UNC13B: variants seen among roughly 807,000 people sequenced by gnomAD.
The protein encoded by UNC13B is protein unc-13 homolog B.
Under a neutral mutation model 211.0 loss-of-function variants are expected in UNC13B, and 144 were observed. The observed-to-expected ratio is 0.68, with a 90% CI of 0.60 to 0.78. The LOEUF is 0.78. Ranked by LOEUF, UNC13B falls within the 30% of genes least tolerant of loss-of-function variation. The pLI, the probability that UNC13B is intolerant of heterozygous loss-of-function variation, is 0.00. For missense variants in UNC13B, 1,777 were observed against 2,002.0 expected, an observed-to-expected ratio of 0.89 and a Z score of 2.14; for synonymous variants, 709 against 725.8, an observed-to-expected ratio of 0.98 and a Z score of 0.37.
chr9:35,204,018 G>T (rs1685822569), intron 1 of UNC13B, among the ~76,000 whole-genome samples: 4 of 152,234 alleles, frequency 2.6e-5, no homozygotes, highest in African/African-American at 9.6e-5. Flanking sequence ...TAGGCCCAGG[G>T]CCTTGCTGCA....
chr9:35,207,996 T>C (rs538777039), intron 1 of UNC13B, among the ~76,000 whole-genome samples: 13 of 152,342 alleles, frequency 8.5e-5, no homozygotes, highest in African/African-American at 3.1e-4. Context: ...TTTTTGTATG[T>C]CATGTGAGGT....
intron 17 of UNC13B, among the ~76,000 whole-genome samples, chr9:35,379,665 A>G (rs1834685932): frequency 6.6e-6 from 1 of 152,188 alleles, no homozygotes; most frequent in Non-Finnish European, 1.5e-5. Flanking sequence ...ACAAGACACT[A>G]TACATAATAC....
At chr9:35,316,506 T>A (rs1013158317) in intron 11 of UNC13B, among the ~76,000 whole-genome samples, 2 of 151,754 alleles carry the variant, frequency 1.3e-5, no homozygotes, top group Admixed American at 6.6e-5. Context: ...TGTATATAGA[T>A]GTGCGTGTGT....
chr9:35,268,927 A>G (rs1008302233), intron 7 of UNC13B, among the ~76,000 whole-genome samples: 1 of 152,072 alleles, frequency 6.6e-6, no homozygotes, highest in Admixed American at 6.6e-5. Context: ...CAAAATGATG[A>G]TTTTCTAATT....
At position 35,364,381 on chromosome 9, in the gene UNC13B, G is replaced by A. The variant is rs555301603; in HGVS notation, c.9415-2566G>A. On this transcript the variant is annotated intron_variant, in intron 11 of 39. Coordinates refer to ENST00000635942, the MANE Select transcript of UNC13B (RefSeq NM_001371189.2). ...GCAAATACAGGCAGGAAGGATTCTG[G>A]AAGCCAGTCAGCTGGGCTCTATGAA... is the stretch of plus-strand genomic sequence containing the variant. Among the ~76,000 whole-genome samples the A allele has an allele frequency of 2.1e-3, 313 of 152,352 alleles. 2 individuals are homozygous for A. The highest frequency in any genetic ancestry group is 7.0e-3 in the African/African-American group (291 of 41,576).
Position 35,302,985 on chromosome 9 carries a change from G to A in UNC13B, c.3581G>A (p.Gly1194Asp), listed in dbSNP as rs1341899034. Residue 1194 changes from glycine to aspartate, a missense_variant, in exon 9 of 40, where the codon GGT becomes GAT. Gly to Asp is a moderately conservative substitution (Grantham distance 94). Transcript: ENST00000635942. ...SGIFNLLSNS[G>D]MIDHKPEEAK... ...ATATTTAACCTGCTATCAAATAGCG[G>A]TATGATTGATCATAAACCAGAGGAA... is the stretch of plus-strand genomic sequence containing the variant. The A allele has an allele frequency of 2.5e-6, 1 of 398,534 alleles. No homozygotes were observed. Among genetic ancestry groups the A allele is most frequent in the East Asian group, 3.6e-5 (1 of 28,076 alleles). 24.7% of individuals were successfully genotyped at this position (398,534 alleles called of 1,614,324 possible).
At chr9:35,203,884 A>T (rs1196255401) in intron 1 of UNC13B, among the ~76,000 whole-genome samples, 2 of 152,250 alleles carry the variant, frequency 1.3e-5, no homozygotes, top group African/African-American at 2.4e-5. Flanking sequence ...CTAAGTAAAG[A>T]GCAGCCAAGT....
chr9:35,326,533 GCAC>G (rs1831027811), intron 11 of UNC13B, among the ~76,000 whole-genome samples: 3 of 152,068 alleles, frequency 2.0e-5, no homozygotes, highest in Admixed American at 2.0e-4. Flanking sequence ...CTATAGGCAT[GCAC>G]CACCACACCT....
Position 35,400,276 on chromosome 9 carries a change from G to A in UNC13B, c.12337-20G>A, listed in dbSNP as rs1836207743. ...TCTGTAAGGGGATGAAGCAGTCACG[G>A]GTGCTCTTTTATCTTGCAGCAATAC... is the stretch of plus-strand genomic sequence containing the variant. On this transcript the variant is annotated intron_variant, in intron 36 of 39. Coordinates refer to ENST00000635942, the MANE Select transcript of UNC13B (RefSeq NM_001371189.2). The A allele has an allele frequency of 6.2e-7, 1 of 1,612,086 alleles. No homozygotes were observed. The highest frequency in any genetic ancestry group is 1.7e-5 in the Admixed American group (1 of 59,912).
intron 1 of UNC13B, among the ~76,000 whole-genome samples, chr9:35,184,849 A>AAAAG (rs59152942): frequency 6.9e-6 from 1 of 144,168 alleles, no homozygotes; most frequent in African/African-American, 2.6e-5. Context: ...AGAAAGAAAG[A>AAAAG]AAAGAAAGAA....
chr9:35,304,310 G>A lies in UNC13B; in HGVS notation c.4906G>A (p.Glu1636Lys). 1 of 398,696 alleles carries A rather than the reference G, an allele frequency of 2.5e-6. No homozygotes were observed. The highest frequency in any genetic ancestry group is 4.4e-6 in the Non-Finnish European group (1 of 225,862). 24.7% of individuals were successfully genotyped at this position (398,696 alleles called of 1,614,324 possible). A position where few individuals can be genotyped will look rare whatever the true frequency, so the allele number is the denominator to read the frequency against. The change falls in exon 9 of 40, where the codon GAG becomes AAG. Residue 1636 changes from glutamate (E) to lysine (K), a missense_variant. Transcript: ENST00000635942. ...AGAAACCTTTTCACAAGTACTTAAA[G>A]AGTCAAGTTGTGACCAAAGCGATCA... The part of the protein sequence containing the change: ...NLETFSQVLK[E>K]SSCDQSDQPL...
intron 1 of UNC13B, among the ~76,000 whole-genome samples, chr9:35,197,208 T>C (rs1822992486): frequency 6.6e-6 from 1 of 152,212 alleles, no homozygotes; most frequent in Non-Finnish European, 1.5e-5. Context: ...TTTAATGTTT[T>C]CCTTTTTTCT....
In UNC13B at chr9:35,175,208, G is replaced by A. The variant is rs368753006; in HGVS notation, c.22+12903G>A. ...ACATGTGAGATATATTGAATTGAATGTATCAGTCTCATTGCAGATGATCCT... is the reference window on the plus strand; with the variant it reads ...ACATGTGAGATATATTGAATTGAATATATCAGTCTCATTGCAGATGATCCT... On this transcript the variant is annotated intron_variant, in intron 1 of 39. Coordinates refer to ENST00000635942, the MANE Select transcript of UNC13B (RefSeq NM_001371189.2). Among the ~76,000 whole-genome samples, 24 of 152,354 alleles carry A rather than the reference G, an allele frequency of 1.6e-4. No individual in the cohort carries two copies. In the South Asian group the frequency reaches 5.0e-3, roughly 32 times the overall value.
At chr9:35,390,478 G>A in intron 25 of UNC13B, 151 bp from the exon 26 acceptor site, 1 of 835,548 alleles carries the variant, frequency 1.2e-6, no homozygotes, top group Non-Finnish European at 1.9e-6. Flanking sequence ...TGGCCCCTGG[G>A]CCCCTTTTCT....
chr9:35,263,549 T>G (rs1336802208), intron 7 of UNC13B, among the ~76,000 whole-genome samples: 1 of 152,152 alleles, frequency 6.6e-6, no homozygotes, highest in Non-Finnish European at 1.5e-5. Flanking sequence ...ATAAGAGGAC[T>G]CATGCAGTTC....
chr9:35,397,770 C>G, intron 30 of UNC13B, 58 bp downstream of exon 30: 1 of 1,575,750 alleles, frequency 6.3e-7, no homozygotes, highest in Non-Finnish European at 8.7e-7. Flanking sequence ...TGAATCCTTG[C>G]TTTTGAAGCT....
At chr9:35,352,553 A>G (rs765539094) in intron 11 of UNC13B, 6 of 1,232,078 alleles carry the variant, frequency 4.9e-6, no homozygotes, top group Non-Finnish European at 6.1e-6. Flanking sequence ...AGTTCTTCAG[A>G]TGGAAACAGG....
chr9:35,173,415 C>G (rs1312886561), intron 1 of UNC13B, among the ~76,000 whole-genome samples: 5 of 151,306 alleles, frequency 3.3e-5, no homozygotes, highest in African/African-American at 1.2e-4. Context: ...TCTTAATCTT[C>G]ATAATCTATC....
intron 3 of UNC13B, among the ~76,000 whole-genome samples, chr9:35,233,262 T>A (rs1457130147): frequency 6.6e-6 from 1 of 152,218 alleles, no homozygotes; most frequent in Non-Finnish European, 1.5e-5. Context: ...TCCCATCATA[T>A]GAGGCACAGT....
Sources: gnomAD v4.1 joint callset for allele counts (sites outside exome capture counted in the v4.1 genomes callset) on GRCh38, gnomAD v4.1.1 for gene constraint, MANE v1.5 for transcripts, NCBI Gene and HGNC (gene_info 2026-07-23, HGNC 2026-07-21) for gene names.